The following VIPR1 variants were observed in gnomAD, a reference collection of about 807,000 sequenced individuals.
VIPR1 encodes the protein vasoactive intestinal polypeptide receptor 1.
A neutral mutation model predicts 58.8 loss-of-function variants in VIPR1; 59 were observed. The ratio of observed to expected loss-of-function variants is 1.00; its 90% CI spans 0.81 to 1.25. VIPR1 has a LOEUF of 1.25. Ranked by LOEUF, VIPR1 falls within the 50% of genes most tolerant of loss-of-function variation. The pLI is 0.00. For synonymous variants in VIPR1, 251 were observed against 242.1 expected, an observed-to-expected ratio of 1.04 and a Z score of -0.34; for missense variants, 626 against 602.7, an observed-to-expected ratio of 1.04 and a Z score of -0.40.
intron 3 of VIPR1, among the ~76,000 whole-genome samples, chr3:42,522,099 ATATTTTTTTTTTTTTTTTT>A (rs1700965914): frequency 3.6e-5 from 2 of 55,584 alleles, no homozygotes; most frequent in African/African-American, 1.9e-4. Flanking sequence ...ATATATATAT[ATATTTTTTTTTTTTTTTTT>A]TTTTTTTTTT....
chr3:42,529,074 G>A (rs1449231370), intron 6 of VIPR1, among the ~76,000 whole-genome samples: 3 of 152,174 alleles, frequency 2.0e-5, no homozygotes, highest in Admixed American at 6.5e-5. Flanking sequence ...CACATGTTAC[G>A]GATAATTATG....
rs991164088 is a variant in VIPR1 at position 42,532,569 on chromosome 3, A to G, written c.1010+236A>G. 4 of 590,820 alleles carry G rather than the reference A, an allele frequency of 6.8e-6. No individual in the cohort carries two copies. In the Admixed American group the frequency reaches 1.1e-4, roughly 17 times the overall value. 36.6% of individuals were successfully genotyped at this position (590,820 alleles called of 1,614,324 possible). ...CTTCTCCTGCCCACACTCACCTAGC[A>G]TCCTTCCCAGGTATGCATCTGCTGC... is the stretch of plus-strand genomic sequence containing the variant. On this transcript the variant is annotated intron_variant, in intron 10 of 12. Coordinates refer to ENST00000325123, the MANE Select transcript of VIPR1 (RefSeq NM_004624.4).
At chr3:42,496,855 C>T (rs917682832) in intron 1 of VIPR1, among the ~76,000 whole-genome samples, 7 of 152,178 alleles carry the variant, frequency 4.6e-5, no homozygotes, top group Admixed American at 2.0e-4. Context: ...AACAAACAAT[C>T]TTTATTTTTA....
At chr3:42,494,735 G>C (rs1329613340) in intron 1 of VIPR1, among the ~76,000 whole-genome samples, 1 of 152,008 alleles carries the variant, frequency 6.6e-6, no homozygotes, top group Admixed American at 6.5e-5. Flanking sequence ...TGTTTTTATA[G>C]TTACTAATTC....
In VIPR1 at chr3:42,525,887, G is replaced by C; in HGVS notation, c.293G>C (p.Gly98Ala). Residue 98 changes from glycine to alanine, a missense_variant and splice_region_variant, in exon 4 of 13, where the codon GGC becomes GCC. By Grantham distance (60) the Gly-to-Ala change is moderately conservative. Transcript: ENST00000325123. ...GTCCTTGCCCCTGCCCTCCACCCAG[G>C]CCGCAATGTAAGCCGCAGCTGCACC... ...LIFKLFSSIQ[G>A]RNVSRSCTDE... The C allele has an allele frequency of 1.2e-6, 2 of 1,607,290 alleles. No homozygotes were observed. Among genetic ancestry groups the C allele is most frequent in the African/African-American group, 1.3e-5 (1 of 74,956 alleles).
At chr3:42,491,742 T>C (rs1405862010) in intron 1 of VIPR1, among the ~76,000 whole-genome samples, 1 of 152,164 alleles carries the variant, frequency 6.6e-6, no homozygotes, top group African/African-American at 2.4e-5. Context: ...ACCTGGCTAA[T>C]TTTAGTATTT....
Position 42,497,479 on chromosome 3 carries a change from C to T in VIPR1, c.-245+7801C>T, listed in dbSNP as rs116782501. Among the ~76,000 whole-genome samples, 930 of 152,288 alleles carry T rather than the reference C, an allele frequency of 6.1e-3. 9 individuals are homozygous for T. The highest frequency in any genetic ancestry group is 0.021 in the African/African-American group (878 of 41,556). On this transcript the variant is annotated intron_variant, in intron 1 of 13. Coordinates refer to the VIPR1 transcript ENST00000433647. Reference sequence around the variant, plus strand: ...ACACACACACGCACACACACACGCACACTGCAGCAAGCATTTGACCAGAAG... The same window carrying T: ...ACACACACACGCACACACACACGCATACTGCAGCAAGCATTTGACCAGAAG...
chr3:42,502,782 C>G lies in VIPR1; in HGVS notation c.47C>G (p.Ala16Gly). 7.8e-7 allele frequency: 1 copy of G among 1,288,056 alleles called. No homozygotes were observed. The highest frequency in any genetic ancestry group is 9.8e-7 in the Non-Finnish European group (1 of 1,019,566). 79.8% of individuals were successfully genotyped at this position (1,288,056 alleles called of 1,614,324 possible). A position where few individuals can be genotyped will look rare whatever the true frequency, so the allele number is the denominator to read the frequency against. Residue 16 changes from alanine to glycine, a missense_variant, in exon 1 of 13, where the codon GCA becomes GGA. Ala to Gly is a moderately conservative substitution (Grantham distance 60). Coordinates refer to ENST00000325123, the MANE Select transcript of VIPR1 (RefSeq NM_004624.4). ...PLPARWLCVL[A>G]GALAWALGPA... ...CCCGCCCGCTGGCTATGCGTGCTGG[C>G]AGGCGCCCTCGCCTGGGCCCTTGGG...
chr3:42,535,202 G>A, intron 11 of VIPR1, 98 bp downstream of exon 11: 2 of 1,600,908 alleles, frequency 1.2e-6, no homozygotes, highest in Non-Finnish European at 8.5e-7. Flanking sequence ...CCTTTTTACT[G>A]TAATAAGTAT....
In VIPR1 at chr3:42,531,813, A is replaced by G; in HGVS notation, c.862A>G (p.Thr288Ala). The G allele has an allele frequency of 6.2e-7, 1 of 1,614,050 alleles. No individual in the cohort carries two copies. The highest frequency in any genetic ancestry group is 8.5e-7 in the Non-Finnish European group (1 of 1,179,992). ...CCACGGTCTGCTCAGGTGCTGGGAC[A>G]CCATCAACTCCTCACTGTGGTGGAT... ...IHFEDYGCWD[T>A]INSSLWWIIK... is the part of the protein sequence containing the mutation. Residue 288 changes from threonine (T) to alanine (A), a missense_variant, in exon 9 of 13, where the codon ACC becomes GCC. Coordinates refer to ENST00000325123, the MANE Select transcript of VIPR1 (RefSeq NM_004624.4).
Position 42,523,007 on chromosome 3 carries a change from C to T in VIPR1, c.293-2880C>T, listed in dbSNP as rs546448662. Among the ~76,000 whole-genome samples the T allele has an allele frequency of 5.5e-4, 84 of 152,246 alleles. 4 individuals carry two copies. The South Asian group carries it at 0.017, about 32-fold the overall frequency. ...CCCAAGTGACAGGCCTCAAAGCAGACCTGGCAAGTGTCCCTCCCACGGTGG... is the reference window on the plus strand; with the variant it reads ...CCCAAGTGACAGGCCTCAAAGCAGATCTGGCAAGTGTCCCTCCCACGGTGG... On this transcript the variant is annotated intron_variant, in intron 3 of 12. Transcript: ENST00000325123.
chr3:42,502,740 G>A lies in VIPR1; in HGVS notation c.5G>A (p.Arg2His), dbSNP rs371174986. Residue 2 changes from arginine to histidine, a missense_variant, in exon 1 of 13, where the codon CGC becomes CAC. Arg to His is a conservative substitution (Grantham distance 29, BLOSUM62 0). Coordinates refer to ENST00000325123, the MANE Select transcript of VIPR1 (RefSeq NM_004624.4). M[R>H]PPSPLPARWL... is the part of the protein sequence containing the mutation. Reference sequence around the variant, plus strand: ...GCCGCGGGCTCAGGGCAGACCATGCGCCCGCCAAGTCCGCTGCCCGCCCGC... The same window carrying A: ...GCCGCGGGCTCAGGGCAGACCATGCACCCGCCAAGTCCGCTGCCCGCCCGC... 2.8e-5 allele frequency: 37 copies of A among 1,317,938 alleles called. No individual in the cohort carries two copies. In the East Asian group the frequency reaches 7.2e-4, roughly 25 times the overall value. 81.6% of individuals were successfully genotyped at this position (1,317,938 alleles called of 1,614,324 possible).
Position 42,528,114 on chromosome 3 carries a change from C to T in VIPR1, c.627C>T (p.Ser209=), listed in dbSNP as rs773840847. The T allele has an allele frequency of 1.5e-5, 24 of 1,613,472 alleles. No homozygotes were observed. The highest frequency in any genetic ancestry group is 8.9e-5 in the East Asian group (4 of 44,880). Residue 209 remains serine, a synonymous_variant, in exon 6 of 13, where the codon TCC becomes TCT. Transcript: ENST00000325123. ...ACAGCGGGGAGTCGGACCAGTGCTC[C>T]GAGGGCTCGGTGAGGATCCTGGCCC... ...LFDSGESDQC[S]EGSVGCKAAM... is the part of the protein sequence containing the mutation.
chr3:42,524,641 C>T (rs975738094), intron 3 of VIPR1, among the ~76,000 whole-genome samples: 2 of 152,152 alleles, frequency 1.3e-5, no homozygotes, highest in African/African-American at 4.8e-5. Flanking sequence ...TGGTATATTC[C>T]GGGCATACGG....
At chr3:42,513,395 C>T (rs1266565442) in intron 1 of VIPR1, 3 of 223,314 alleles carry the variant, frequency 1.3e-5, no homozygotes, top group Admixed American at 5.2e-5. Context: ...GACAGACTCT[C>T]AAACCAAGCT....
Position 42,513,975 on chromosome 3 carries a change from C to T in VIPR1, c.184+121C>T, listed in dbSNP as rs1024150211. ...TTTATTGGATGATGGTGAGGAGCGG[C>T]TGGGGAGCCAGATGGAAGAAGAAAG... On this transcript the variant is annotated intron_variant, in intron 2 of 12. Transcript: ENST00000325123. The T allele has an allele frequency of 7.9e-6, 9 of 1,134,532 alleles. No individual in the cohort carries two copies. In the African/African-American group the frequency reaches 1.1e-4, roughly 14 times the overall value. 70.3% of individuals were successfully genotyped at this position (1,134,532 alleles called of 1,614,324 possible). A position where few individuals can be genotyped will look rare whatever the true frequency, so the allele number is the denominator to read the frequency against.
chr3:42,517,989 T>C (rs753814621), intron 2 of VIPR1, among the ~76,000 whole-genome samples: 1 of 152,038 alleles, frequency 6.6e-6, no homozygotes, highest in Non-Finnish European at 1.5e-5. Flanking sequence ...GATGAGTATA[T>C]TGGGATGCAT....
Position 42,528,123 on chromosome 3 carries a change from G to A in VIPR1, c.636G>A (p.Ser212=), listed in dbSNP as rs1220245035. Residue 212 remains serine, a splice_region_variant and synonymous_variant, in exon 6 of 13, where the codon TCG becomes TCA. Transcript: ENST00000325123. ...SGESDQCSEG[S]VGCKAAMVFF... is the part of the protein sequence containing the mutation. The stretch of plus-strand genomic sequence containing the variant: ...AGTCGGACCAGTGCTCCGAGGGCTC[G>A]GTGAGGATCCTGGCCCTGGCCCACC... 1.6e-5 allele frequency: 25 copies of A among 1,612,888 alleles called. No individual in the cohort carries two copies. The highest frequency in any genetic ancestry group is 1.7e-4 in the Middle Eastern group (1 of 5,860).
chr3:42,521,389 G>A (rs1016500616), intron 3 of VIPR1: 6 of 152,190 alleles, frequency 3.9e-5, no homozygotes, highest in Admixed American at 3.3e-4. Flanking sequence ...ATGGTGGAGA[G>A]AAATAAGAGA....
Sources: allele counts gnomAD v4.1 joint callset (sites outside exome capture counted in the v4.1 genomes callset), GRCh38; gene constraint gnomAD v4.1.1; transcripts MANE v1.5; gene names NCBI Gene and HGNC (gene_info 2026-07-23, HGNC 2026-07-21).